Variants in DIAPH2 observed in about 807,000 individuals in gnomAD.
DIAPH2 encodes the protein protein diaphanous homolog 2.
A neutral mutation model predicts 92.7 loss-of-function variants in DIAPH2; 35 were observed. That is an observed-to-expected ratio of 0.38 (90% CI 0.29 to 0.50). DIAPH2 has a LOEUF of 0.50. Among genes scored for constraint, DIAPH2 ranks in the 20% least tolerant of loss-of-function variants. The pLI, the probability that DIAPH2 is intolerant of heterozygous loss-of-function variation, is 0.94. For synonymous variants in DIAPH2, 301 were observed against 280.4 expected, an observed-to-expected ratio of 1.07 and a Z score of -0.73; for missense variants, 701 against 819.5, an observed-to-expected ratio of 0.86 and a Z score of 1.77.
At chrX:97,067,118 T>C (rs912801066) in intron 17 of DIAPH2, among the ~76,000 whole-genome samples, 1 of 111,757 alleles carries the variant, frequency 8.9e-6, no homozygotes, top group African/African-American at 3.3e-5. Context: ...AGAAATGGAA[T>C]CTCTTCCTGC....
chrX:96,906,388 CTTTAA>C (rs1480615639), intron 5 of DIAPH2, among the ~76,000 whole-genome samples: 10 of 112,179 alleles, frequency 8.9e-5, no homozygotes, highest in Non-Finnish European at 1.7e-4. Flanking sequence ...GAAAAGGATT[CTTTAA>C]TTTATGCCTA....
chrX:97,238,152 C>T (rs2068064276), intron 22 of DIAPH2, among the ~76,000 whole-genome samples: 1 of 112,151 alleles, frequency 8.9e-6, no homozygotes, highest in South Asian at 3.7e-4. Flanking sequence ...GGTGCTCAGG[C>T]TTCAGAATTT....
chrX:97,276,997 A>G (rs192232996), intron 23 of DIAPH2, among the ~76,000 whole-genome samples: 1 of 112,559 alleles, frequency 8.9e-6, no homozygotes, highest in African/African-American at 3.2e-5. Context: ...TAGATACTTT[A>G]TCATGTGATT....
intron 4 of DIAPH2, among the ~76,000 whole-genome samples, chrX:96,785,674 A>G (rs1439520264): frequency 9.3e-6 from 1 of 107,211 alleles, no homozygotes; most frequent in African/African-American, 3.4e-5. Context: ...ATGGGGTTTC[A>G]TCATGTTGCC....
At chrX:97,457,983 A>C (rs2070422476) in intron 26 of DIAPH2, among the ~76,000 whole-genome samples, 1 of 112,084 alleles carries the variant, frequency 8.9e-6, no homozygotes, top group Admixed American at 9.5e-5. Flanking sequence ...GGACTAAGAC[A>C]AGCATCTTTA....
At chrX:96,951,263 G>A (rs1167445802) in intron 15 of DIAPH2, among the ~76,000 whole-genome samples, 1 of 111,769 alleles carries the variant, frequency 8.9e-6, no homozygotes, top group Non-Finnish European at 1.9e-5. Flanking sequence ...ATCTGTGTGT[G>A]TGAAATGTAT....
At chrX:96,910,309 C>A (rs1032931062) in intron 5 of DIAPH2, among the ~76,000 whole-genome samples, 1 of 111,098 alleles carries the variant, frequency 9.0e-6, no homozygotes, top group East Asian at 2.8e-4. Flanking sequence ...CATTACAGTG[C>A]CATATTGATT....
intron 22 of DIAPH2, among the ~76,000 whole-genome samples, chrX:97,226,622 G>C (rs750192630): frequency 1.3e-4 from 15 of 111,151 alleles, no homozygotes; most frequent in African/African-American, 4.6e-4. Context: ...TGATCCACCC[G>C]CCTCGGCCTC....
rs562963157 is a variant in DIAPH2 at position 97,296,466 on chromosome X, C to G, written c.2844+48627C>G. On this transcript the variant is annotated intron_variant, in intron 23 of 26. Transcript: ENST00000324765. ...TATACATTATCCTGTGTACATGTAT[C>G]TCTGGGACATATAGCTATTGTATAT... Among the ~76,000 whole-genome samples the G allele has an allele frequency of 9.8e-5, 11 of 111,707 alleles. No homozygotes were observed. In the South Asian group the frequency reaches 3.7e-3, roughly 37 times the overall value.
At chrX:96,938,975 A>G (rs897130079) in intron 11 of DIAPH2, among the ~76,000 whole-genome samples, 3 of 111,591 alleles carry the variant, frequency 2.7e-5, no homozygotes, top group African/African-American at 9.8e-5. Context: ...TGCTGTTCCA[A>G]TGGTACCAGC....
intron 22 of DIAPH2, among the ~76,000 whole-genome samples, chrX:97,243,030 C>T (rs151332157): frequency 0.072 from 7,894 of 109,627 alleles, 309 homozygotes; most frequent in Non-Finnish European, 0.11. Flanking sequence ...TCGTGATCTG[C>T]CCACCTCAGC....
chrX:97,516,319 C>A (rs1038019903), intron 26 of DIAPH2, among the ~76,000 whole-genome samples: 2 of 111,546 alleles, frequency 1.8e-5, no homozygotes, highest in African/African-American at 6.5e-5. Flanking sequence ...TAGGTATTTA[C>A]TGAAGAAATA....
At chrX:96,978,632 T>C (rs1375365147) in intron 17 of DIAPH2, among the ~76,000 whole-genome samples, 1 of 110,672 alleles carries the variant, frequency 9.0e-6, no homozygotes, top group Non-Finnish European at 1.9e-5. Flanking sequence ...TATTTTATTG[T>C]TGTGAATAAT....
intron 23 of DIAPH2, among the ~76,000 whole-genome samples, chrX:97,270,646 G>A (rs2068378890): frequency 8.9e-6 from 1 of 111,789 alleles, no homozygotes; most frequent in African/African-American, 3.2e-5. Flanking sequence ...GACTTAACCA[G>A]CTCTTGAAAC....
rs1426485424 is a variant in DIAPH2 at position 96,957,895 on chromosome X, G to A, written c.1682G>A (p.Gly561Glu). 6 of 1,210,490 alleles carry A rather than the reference G, an allele frequency of 5.0e-6. No individual in the cohort carries two copies. The highest frequency in any genetic ancestry group is 6.7e-6 in the Non-Finnish European group (6 of 895,145). ...GCAGCACCTCCATTGCCAGGTGTAG[G>A]GCCGCCTCCACCACCACCCGCGCCA... ...PPAAPPLPGVGPPPPPPAPPL... is the reference protein window; with the variant it reads ...PPAAPPLPGVEPPPPPPAPPL... The change falls in exon 16 of 27, where the codon GGG becomes GAG. Residue 561 changes from glycine (G) to glutamate (E), a missense_variant. Gly to Glu is a moderately conservative substitution (Grantham distance 98, BLOSUM62 -2). Coordinates refer to ENST00000324765, the MANE Select transcript of DIAPH2 (RefSeq NM_006729.5).
intron 22 of DIAPH2, among the ~76,000 whole-genome samples, chrX:97,156,873 G>A (rs761349004): frequency 9.0e-6 from 1 of 111,349 alleles, no homozygotes; most frequent in South Asian, 3.8e-4. Flanking sequence ...AAAAGTTTTA[G>A]AATAAGCTGT....
chrX:96,844,518 T>G, intron 4 of DIAPH2, among the ~76,000 whole-genome samples: 1 of 112,475 alleles, frequency 8.9e-6, no homozygotes, highest in South Asian at 3.6e-4. Context: ...GATCAAGTTT[T>G]TAATTCAGCT....
At chrX:97,046,473 T>TAACA (rs772824432) in intron 17 of DIAPH2, among the ~76,000 whole-genome samples, 3 of 111,607 alleles carry the variant, frequency 2.7e-5, no homozygotes, top group Non-Finnish European at 5.6e-5. Context: ...TGTCATCACC[T>TAACA]AACAGTTTAG....
At chrX:97,076,129 A>G in intron 19 of DIAPH2, among the ~76,000 whole-genome samples, 1 of 112,486 alleles carries the variant, frequency 8.9e-6, no homozygotes, top group South Asian at 3.7e-4. Flanking sequence ...TTTGAAAGGA[A>G]TAACTGTAAA....
Sources: gnomAD v4.1 joint callset for allele counts (sites outside exome capture counted in the v4.1 genomes callset) on GRCh38, gnomAD v4.1.1 for gene constraint, MANE v1.5 for transcripts, NCBI Gene and HGNC (gene_info 2026-07-23, HGNC 2026-07-21) for gene names.